PTGR1: variants seen among roughly 807,000 people sequenced by gnomAD.
PTGR1 encodes the protein 15-oxoprostaglandin 13-reductase.
PTGR1 carries 23 observed loss-of-function variants against 37.7 expected under a neutral mutation model. The observed-to-expected ratio is 0.61, with a 90% CI of 0.44 to 0.86. The LOEUF (loss-of-function observed/expected upper bound fraction) is 0.86. PTGR1 is among the 40% of genes least tolerant of loss of function. The probability of loss-of-function intolerance (pLI) is 0.00; values close to 1 mark genes in which losing one functional copy is unlikely to be tolerated. For missense variants in PTGR1, 351 were observed against 394.3 expected, an observed-to-expected ratio of 0.89 and a Z score of 0.93; for synonymous variants, 134 against 140.0, an observed-to-expected ratio of 0.96 and a Z score of 0.30.
chr9:111,591,526 C>T (rs1051934166), intron 4 of PTGR1, among the ~76,000 whole-genome samples: 1 of 151,556 alleles, frequency 6.6e-6, no homozygotes, highest in Non-Finnish European at 1.5e-5. Context: ...TGCACTACCA[C>T]ACCCAGTTAA....
chr9:111,566,228 T>A (rs554254213), intron 9 of PTGR1, among the ~76,000 whole-genome samples: 213 of 152,150 alleles, frequency 1.4e-3, no homozygotes, highest in African/African-American at 4.8e-3. Flanking sequence ...AATAAATAAA[T>A]AAACACCTAA....
intron 4 of PTGR1, among the ~76,000 whole-genome samples, chr9:111,591,748 A>C (rs1829628875): frequency 6.6e-6 from 1 of 152,170 alleles, no homozygotes; most frequent in Admixed American, 6.5e-5. Flanking sequence ...TTCTAAGATA[A>C]AAATTTTGTT....
chr9:111,563,057 T>C lies in PTGR1; in HGVS notation c.*64A>G. The C allele has an allele frequency of 6.3e-7, 1 of 1,582,812 alleles. No homozygotes were observed. Among genetic ancestry groups the C allele is most frequent in the Non-Finnish European group, 8.6e-7 (1 of 1,164,948 alleles). ...CATTTAAGGTAGTATACATTTTTGC[T>C]AAATGGTGAAAAACAAATTAACTAA... On this transcript the variant is annotated 3_prime_UTR_variant, in exon 10 of 10. Transcript: ENST00000407693.
At chr9:111,577,973 G>A (rs1220164730) in intron 7 of PTGR1, 2 of 152,122 alleles carry the variant, frequency 1.3e-5, no homozygotes, top group East Asian at 3.9e-4. Context: ...TGGTAATGGA[G>A]AGTGACTGCT....
At chr9:111,589,862 C>T (rs1361045643) in intron 4 of PTGR1, among the ~76,000 whole-genome samples, 3 of 150,472 alleles carry the variant, frequency 2.0e-5, no homozygotes, top group African/African-American at 4.9e-5. Flanking sequence ...TTTGAACTCC[C>T]GACCTCAAGT....
At chr9:111,580,695 C>T (rs995960375) in intron 6 of PTGR1, among the ~76,000 whole-genome samples, 1 of 147,028 alleles carries the variant, frequency 6.8e-6, no homozygotes, top group Non-Finnish European at 1.5e-5. Context: ...GCAGAGGTTG[C>T]GGTGAGCTGA....
At chr9:111,551,958 G>T (rs1827975464) in intron 9 of PTGR1, among the ~76,000 whole-genome samples, 3 of 151,252 alleles carry the variant, frequency 2.0e-5, no homozygotes, top group Admixed American at 2.0e-4. Context: ...TGTGCATATT[G>T]TCTCATTTGA....
intron 8 of PTGR1, among the ~76,000 whole-genome samples, chr9:111,573,284 A>G (rs553450472): frequency 3.9e-4 from 56 of 141,940 alleles, no homozygotes; most frequent in African/African-American, 1.7e-3. Flanking sequence ...TTATAGGGGG[A>G]AAAAAAAGTC....
At chr9:111,588,368 T>A (rs1012430769) in intron 4 of PTGR1, among the ~76,000 whole-genome samples, 3 of 151,410 alleles carry the variant, frequency 2.0e-5, no homozygotes, top group Non-Finnish European at 4.4e-5. Context: ...CCGGGTAATT[T>A]TTTGTATTTT....
At chr9:111,552,651 T>C (rs1382037358) in intron 9 of PTGR1, among the ~76,000 whole-genome samples, 1 of 152,184 alleles carries the variant, frequency 6.6e-6, no homozygotes, top group African/African-American at 2.4e-5. Context: ...TTTACATGAA[T>C]CGACATTGTA....
chr9:111,566,737 A>T (rs1165803638), intron 9 of PTGR1, among the ~76,000 whole-genome samples: 1 of 152,206 alleles, frequency 6.6e-6, no homozygotes, highest in Non-Finnish European at 1.5e-5. Flanking sequence ...TGGGGGCTGG[A>T]GATACACCAG....
intron 9 of PTGR1, among the ~76,000 whole-genome samples, chr9:111,566,893 C>T (rs1828585230): frequency 6.6e-6 from 1 of 151,900 alleles, no homozygotes. Flanking sequence ...AGGATAGGAG[C>T]CTGGGCAACA....
chr9:111,561,180 A>G (rs1173767221), downstream of PTGR1, among the ~76,000 whole-genome samples: 1 of 97,694 alleles, frequency 1.0e-5, no homozygotes, highest in Non-Finnish European at 2.2e-5. Flanking sequence ...AGAGAGAGAA[A>G]GAGAGAGAGA....
At position 111,596,926 on chromosome 9, in the gene PTGR1, C is replaced by CAAAAAA. The variant is rs71494900; in HGVS notation, c.106+385_106+390dup. Among the ~76,000 whole-genome samples the CAAAAAA allele has an allele frequency of 9.6e-4, 87 of 90,616 alleles. 1 individual carries two copies. The highest frequency in any genetic ancestry group is 2.7e-3 in the African/African-American group (58 of 21,720). The allele number at this position is 90,616 out of a possible 152,430, so 59.4% of individuals were successfully genotyped here. A position where few individuals can be genotyped will look rare whatever the true frequency, so the allele number is the denominator to read the frequency against. On this transcript the variant is annotated intron_variant, in intron 2 of 9. Coordinates refer to ENST00000407693, the MANE Select transcript of PTGR1 (RefSeq NM_001146108.2). Reference sequence around the variant, plus strand: ...TGGGCAACAGAGCAAGACTCTGTCTCAAAAAAAAAAAAAAAAAAAAAAGAG... The same window carrying CAAAAAA: ...TGGGCAACAGAGCAAGACTCTGTCTCAAAAAAAAAAAAAAAAAAAAAAAAAAAAGAG...
At chr9:111,574,439 C>T (rs756878019) in intron 8 of PTGR1, 12 of 174,222 alleles carry the variant, frequency 6.9e-5, no homozygotes, top group Admixed American at 1.9e-4. Context: ...AGCCTCGCCT[C>T]CCAGGCTCAA....
In PTGR1 at chr9:111,582,166, T is replaced by C. The variant is rs565985551; in HGVS notation, c.495+1306A>G. Among the ~76,000 whole-genome samples, 4 of 152,094 alleles carry C rather than the reference T, an allele frequency of 2.6e-5. No homozygotes were observed. The East Asian group carries it at 5.8e-4, about 22-fold the overall frequency. ...ATATAAATATGACCAAACATTCCAG[T>C]TATGACAATTAATAAGAATGACTTA... On this transcript the variant is annotated intron_variant, in intron 6 of 9. Coordinates refer to ENST00000407693, the MANE Select transcript of PTGR1 (RefSeq NM_001146108.2).
intron 1 of PTGR1, among the ~76,000 whole-genome samples, chr9:111,598,748 AC>A (rs1829855756): frequency 6.6e-6 from 1 of 151,848 alleles, no homozygotes; most frequent in Non-Finnish European, 1.5e-5. Context: ...GCCCGCCTCG[AC>A]CTTCCATAGT....
intron 3 of PTGR1, 127 bp from the exon 4 acceptor site, chr9:111,593,109 G>A (rs1051367985): frequency 7.9e-6 from 11 of 1,390,276 alleles, no homozygotes; most frequent in Non-Finnish European, 1.0e-5. Context: ...CTGGATAAGT[G>A]TATGCGGCAA....
intron 9 of PTGR1, among the ~76,000 whole-genome samples, chr9:111,556,352 T>C (rs1036780403): frequency 2.0e-5 from 3 of 152,260 alleles, no homozygotes; most frequent in Non-Finnish European, 2.9e-5. Flanking sequence ...TGGCACAAGC[T>C]GTTGGTGGAT....
Sources: allele counts gnomAD v4.1 joint callset (sites outside exome capture counted in the v4.1 genomes callset), GRCh38; gene constraint gnomAD v4.1.1; transcripts MANE v1.5; gene names NCBI Gene and HGNC (gene_info 2026-07-23, HGNC 2026-07-21).